RAD51B: variants seen among roughly 807,000 people sequenced by gnomAD.
RAD51B encodes RAD51 paralog B.
In RAD51B, 38 loss-of-function variants were observed where a neutral mutation model predicts 42.2. That is an observed-to-expected ratio of 0.90 (90% CI 0.70 to 1.18). The LOEUF (loss-of-function observed/expected upper bound fraction) is 1.18. RAD51B is among the 50% of genes most tolerant of loss of function. RAD51B has a pLI of 0.00. For missense variants in RAD51B, 373 were observed against 400.7 expected (o/e 0.93, Z 0.59); for synonymous variants, 154 against 145.2 (o/e 1.06, Z -0.43).
chr14:67,977,425 C>T (rs2075015870), intron 7 of RAD51B, among the ~76,000 whole-genome samples: 1 of 152,140 alleles, frequency 6.6e-6, no homozygotes, highest in Non-Finnish European at 1.5e-5. Flanking sequence ...TAAAAAGTTC[C>T]CTCCGGCCAA....
At position 68,328,681 on chromosome 14, in the gene RAD51B, G is replaced by A. The variant is rs144926852; in HGVS notation, c.853+36701G>A. Among the ~76,000 whole-genome samples, 14 of 152,084 alleles carry A rather than the reference G, an allele frequency of 9.2e-5. No homozygotes were observed. In the East Asian group the frequency reaches 2.7e-3, roughly 29 times the overall value. ...TCTCTGAACTTGGGTCAGACCAAAC[G>A]AGTTTCAGTGCTTGGTTTAGAAATG... is the stretch of plus-strand genomic sequence containing the variant. On this transcript the variant is annotated intron_variant, in intron 8 of 10. Transcript: ENST00000471583.
intron 8 of RAD51B, among the ~76,000 whole-genome samples, chr14:68,355,724 G>A (rs1048030688): frequency 6.6e-6 from 1 of 152,288 alleles, no homozygotes; most frequent in Middle Eastern, 3.4e-3. Context: ...CTACTGCTGA[G>A]AGAAATAACA....
intron 5 of RAD51B, among the ~76,000 whole-genome samples, chr14:67,870,959 C>T: frequency 6.7e-6 from 1 of 148,554 alleles, no homozygotes; most frequent in South Asian, 2.1e-4. Flanking sequence ...AAATTTATAG[C>T]ACTAAATGCC....
chr14:68,395,810 G>A (rs1341108259), intron 8 of RAD51B, among the ~76,000 whole-genome samples: 2 of 152,218 alleles, frequency 1.3e-5, no homozygotes, highest in African/African-American at 4.8e-5. Context: ...CAGTGACTAA[G>A]TGTGTGACCT....
At chr14:68,020,561 C>T (rs1340589563) in intron 7 of RAD51B, among the ~76,000 whole-genome samples, 1 of 152,100 alleles carries the variant, frequency 6.6e-6, no homozygotes, top group Non-Finnish European at 1.5e-5. Context: ...AAATTGTCCA[C>T]TATTAACATT....
intron 7 of RAD51B, among the ~76,000 whole-genome samples, chr14:68,146,875 T>G (rs903223253): frequency 6.6e-6 from 1 of 152,152 alleles, no homozygotes; most frequent in African/African-American, 2.4e-5. Context: ...TAGATTAGAT[T>G]AAGAGCCTTA....
chr14:68,068,795 A>G (rs2076695751), intron 7 of RAD51B, among the ~76,000 whole-genome samples: 2 of 152,290 alleles, frequency 1.3e-5, no homozygotes, highest in African/African-American at 4.8e-5. Flanking sequence ...TATATCTTCC[A>G]TGGTTACATG....
chr14:68,258,429 ACACT>A (rs775556920), intron 7 of RAD51B, among the ~76,000 whole-genome samples: 3 of 147,284 alleles, frequency 2.0e-5, no homozygotes, highest in Non-Finnish European at 3.0e-5. Flanking sequence ...ACACACACAC[ACACT>A]CTCTCTCTCT....
chr14:68,617,733 C>A (rs1891854167), intron 10 of RAD51B, among the ~76,000 whole-genome samples: 1 of 152,186 alleles, frequency 6.6e-6, no homozygotes, highest in Non-Finnish European at 1.5e-5. Context: ...TTTTCTTTAT[C>A]TCATGGGTCA....
intron 10 of RAD51B, among the ~76,000 whole-genome samples, chr14:68,602,684 G>A (rs1192248970): frequency 6.6e-6 from 1 of 152,150 alleles, no homozygotes; most frequent in Non-Finnish European, 1.5e-5. Flanking sequence ...ATTGGACAAG[G>A]CCCACCCACG....
At chr14:68,513,981 C>G (rs1043939539) in intron 10 of RAD51B, among the ~76,000 whole-genome samples, 1 of 152,176 alleles carries the variant, frequency 6.6e-6, no homozygotes, top group East Asian at 1.9e-4. Context: ...AAGCAATCCA[C>G]GAGAACTGAA....
chr14:67,970,895 G>A (rs2074884235), intron 7 of RAD51B, among the ~76,000 whole-genome samples: 1 of 152,074 alleles, frequency 6.6e-6, no homozygotes, highest in African/African-American at 2.4e-5. Flanking sequence ...CACCCCAAGT[G>A]TTATAATTCT....
In RAD51B at chr14:68,265,696, G is replaced by A. The variant is rs565822194; in HGVS notation, c.757-26188G>A. Among the ~76,000 whole-genome samples, 101 of 152,314 alleles carry A rather than the reference G, an allele frequency of 6.6e-4. 1 individual carries two copies. The highest frequency in any genetic ancestry group is 3.4e-3 in the Middle Eastern group (1 of 292). On this transcript the variant is annotated intron_variant, in intron 7 of 10. Transcript: ENST00000471583. ...GAACCCAGGAGGCGGAGGTTGCAAT[G>A]AGCTGAGATCACATACCACTGCACT...
chr14:68,457,794 T>A (rs935666931), intron 9 of RAD51B, among the ~76,000 whole-genome samples: 1 of 148,388 alleles, frequency 6.7e-6, no homozygotes, highest in Non-Finnish European at 1.5e-5. Flanking sequence ...TTTTTTTTTT[T>A]AGTAGAGACA....
chr14:68,045,434 A>G (rs142479063), intron 7 of RAD51B, among the ~76,000 whole-genome samples: 1 of 152,244 alleles, frequency 6.6e-6, no homozygotes, highest in East Asian at 1.9e-4. Flanking sequence ...ATTTTAGTTC[A>G]GTTAATTTTT....
chr14:68,046,606 G>A (rs529468860), intron 7 of RAD51B, among the ~76,000 whole-genome samples: 10 of 152,236 alleles, frequency 6.6e-5, no homozygotes, highest in South Asian at 4.2e-4. Context: ...GGATGGTGGC[G>A]CAGCCTATAG....
chr14:68,317,404 C>T (rs1174747321), intron 8 of RAD51B, among the ~76,000 whole-genome samples: 3 of 152,136 alleles, frequency 2.0e-5, no homozygotes, highest in African/African-American at 7.2e-5. Flanking sequence ...AACTAGTAGT[C>T]CAGTGGTTTC....
chr14:68,497,044 T>G, intron 10 of RAD51B: 1 of 1,261,978 alleles, frequency 7.9e-7, no homozygotes, highest in Non-Finnish European at 1.1e-6. Context: ...AACAACAGTT[T>G]TAGCCTCAGT....
intron 7 of RAD51B, among the ~76,000 whole-genome samples, chr14:68,152,999 C>T (rs1241912625): frequency 6.6e-6 from 1 of 152,034 alleles, no homozygotes; most frequent in Admixed American, 6.6e-5. Context: ...TTCCAGTCTG[C>T]CATTTATGGG....
Sources: gnomAD v4.1 joint callset for allele counts (sites outside exome capture counted in the v4.1 genomes callset) on GRCh38, gnomAD v4.1.1 for gene constraint, MANE v1.5 for transcripts, NCBI Gene and HGNC (gene_info 2026-07-23, HGNC 2026-07-21) for gene names.